The following ROBO2 variants were observed in gnomAD, a reference collection of about 807,000 sequenced individuals.
ROBO2 encodes roundabout guidance receptor 2, also known as roundabout homolog 2.
A neutral mutation model predicts 160.8 loss-of-function variants in ROBO2; 53 were observed. That is an observed-to-expected ratio of 0.33 (90% CI 0.26 to 0.41). The LOEUF (loss-of-function observed/expected upper bound fraction) is 0.41. ROBO2 is among the 10% of genes least tolerant of loss of function. The probability of loss-of-function intolerance (pLI) is 1.00; values close to 1 mark genes in which losing one functional copy is unlikely to be tolerated. For missense variants in ROBO2, 1,577 were observed against 1,722.4 expected (o/e 0.92, Z 1.49); for synonymous variants, 664 against 611.7 (o/e 1.09, Z -1.26).
intron 16 of ROBO2, among the ~76,000 whole-genome samples, chr3:77,580,603 C>T (rs990047819): frequency 6.6e-6 from 1 of 152,038 alleles, no homozygotes; most frequent in Non-Finnish European, 1.5e-5. Context: ...AAATTGTTCC[C>T]TCTTATCATA....
At chr3:76,923,876 G>T (rs2076819316) in intron 2 of ROBO2, among the ~76,000 whole-genome samples, 1 of 152,178 alleles carries the variant, frequency 6.6e-6, no homozygotes, top group African/African-American at 2.4e-5. Flanking sequence ...ACTAAATAAT[G>T]TGAATATGCG....
At chr3:77,384,484 T>C (rs2073894769) in intron 2 of ROBO2, among the ~76,000 whole-genome samples, 1 of 152,192 alleles carries the variant, frequency 6.6e-6, no homozygotes, top group Non-Finnish European at 1.5e-5. Context: ...CAGTCCTCTC[T>C]GAACAAGGAA....
chr3:77,507,679 A>G (rs980061398), intron 5 of ROBO2, among the ~76,000 whole-genome samples: 1 of 152,158 alleles, frequency 6.6e-6, no homozygotes, highest in Non-Finnish European at 1.5e-5. Flanking sequence ...TTGTAAAACC[A>G]GTTTTGAAAG....
At chr3:77,185,024 T>G (rs182886211) in intron 2 of ROBO2, among the ~76,000 whole-genome samples, 1 of 151,398 alleles carries the variant, frequency 6.6e-6, no homozygotes, top group African/African-American at 2.4e-5. Flanking sequence ...GTATAATGCA[T>G]GGAGCAGATA....
chr3:75,934,601 C>A (rs1355262582), intron 1 of ROBO2, among the ~76,000 whole-genome samples: 3 of 152,092 alleles, frequency 2.0e-5, no homozygotes, highest in Non-Finnish European at 2.9e-5. Flanking sequence ...ATGGCAGGGG[C>A]AGCATTTAGA....
In ROBO2 at chr3:76,618,203, AT is replaced by A. The variant is rs2109194957; in HGVS notation, c.110-479805del. Among the ~76,000 whole-genome samples, 2 of 151,710 alleles carry A rather than the reference AT, an allele frequency of 1.3e-5. 1 individual carries two copies. Among genetic ancestry groups the A allele is most frequent in the South Asian group, 4.2e-4 (2 of 4,708 alleles). ...AGCAATAACAATATCTGTCCCTAGA[AT>A]TTTTTGGAAGAATTAGTGAGGTCAT... On this transcript the variant is annotated intron_variant, in intron 2 of 26. Transcript: ENST00000487694.
chr3:76,513,071 G>C (rs536484669), intron 2 of ROBO2, among the ~76,000 whole-genome samples: 2 of 152,310 alleles, frequency 1.3e-5, no homozygotes, highest in South Asian at 4.1e-4. Flanking sequence ...GGAATGGAGA[G>C]TCATGGTACT....
At chr3:76,920,689 T>C (rs2148988284) in intron 2 of ROBO2, among the ~76,000 whole-genome samples, 1 of 152,382 alleles carries the variant, frequency 6.6e-6, no homozygotes, top group African/African-American at 2.4e-5. Context: ...TTGGCACTAA[T>C]GTGAATTCAC....
intron 2 of ROBO2, among the ~76,000 whole-genome samples, chr3:76,884,267 G>A (rs2073656553): frequency 6.6e-6 from 1 of 152,094 alleles, no homozygotes; most frequent in Non-Finnish European, 1.5e-5. Context: ...ATTTTGAGAA[G>A]ACTATATAAA....
intron 2 of ROBO2, among the ~76,000 whole-genome samples, chr3:76,365,648 T>G (rs903282507): frequency 1.3e-5 from 2 of 152,038 alleles, no homozygotes; most frequent in Admixed American, 1.3e-4. Context: ...TATTTGACAT[T>G]AGGGCTTATG....
chr3:76,936,515 G>C (rs12630684), intron 2 of ROBO2, among the ~76,000 whole-genome samples: 66,980 of 151,024 alleles, frequency 0.44, 15,185 homozygotes, highest in African/African-American at 0.52. Flanking sequence ...CTCCAAGTCA[G>C]GGAAGGTGTG....
At chr3:76,316,809 A>C (rs1407656117) in intron 2 of ROBO2, among the ~76,000 whole-genome samples, 1 of 152,194 alleles carries the variant, frequency 6.6e-6, no homozygotes, top group Non-Finnish European at 1.5e-5. Context: ...TCCATATTAA[A>C]ATGAAATCTT....
chr3:77,356,565 A>G (rs1055570187), intron 2 of ROBO2, among the ~76,000 whole-genome samples: 1 of 152,218 alleles, frequency 6.6e-6, no homozygotes, highest in Non-Finnish European at 1.5e-5. Flanking sequence ...CTCTATAACA[A>G]AAGGCAGATT....
intron 2 of ROBO2, among the ~76,000 whole-genome samples, chr3:76,399,174 A>T (rs915164869): frequency 6.6e-6 from 1 of 151,702 alleles, no homozygotes; most frequent in Non-Finnish European, 1.5e-5. Flanking sequence ...AATTTTTTAT[A>T]TTGTTGAATT....
At chr3:76,848,147 C>A (rs1170184651) in intron 2 of ROBO2, among the ~76,000 whole-genome samples, 1 of 152,058 alleles carries the variant, frequency 6.6e-6, no homozygotes, top group Non-Finnish European at 1.5e-5. Context: ...TCATCTGATT[C>A]ATCTTTTTTG....
intron 2 of ROBO2, among the ~76,000 whole-genome samples, chr3:76,751,300 A>G (rs1560497357): frequency 1.3e-5 from 2 of 152,140 alleles, no homozygotes; most frequent in Non-Finnish European, 1.5e-5. Context: ...ACAAAAACTA[A>G]TTCAAGATGG....
At chr3:76,790,205 G>C (rs2108721353) in intron 2 of ROBO2, among the ~76,000 whole-genome samples, 1 of 151,642 alleles carries the variant, frequency 6.6e-6, no homozygotes, top group East Asian at 1.9e-4. Flanking sequence ...TAAAGGTAGA[G>C]TTTCCTCTAC....
intron 2 of ROBO2, among the ~76,000 whole-genome samples, chr3:77,255,218 C>T (rs1031227388): frequency 6.6e-6 from 1 of 152,014 alleles, no homozygotes. Flanking sequence ...TTACATGAGT[C>T]CAAAATGTTG....
At chr3:76,506,133 A>C (rs2080783685) in intron 2 of ROBO2, among the ~76,000 whole-genome samples, 2 of 152,196 alleles carry the variant, frequency 1.3e-5, no homozygotes, top group Non-Finnish European at 2.9e-5. Flanking sequence ...CCCTCGGTGA[A>C]TTCCTTTTAC....
Sources: allele counts gnomAD v4.1 joint callset (sites outside exome capture counted in the v4.1 genomes callset), GRCh38; gene constraint gnomAD v4.1.1; transcripts MANE v1.5; gene names NCBI Gene and HGNC (gene_info 2026-07-23, HGNC 2026-07-21).